The following POLR2L variants were observed in gnomAD, a reference collection of about 807,000 sequenced individuals.
The protein encoded by POLR2L is RNA polymerase II, I and III subunit L, also known as DNA-directed RNA polymerases I, II, and III subunit RPABC5.
In POLR2L, 7 loss-of-function variants were observed where a neutral mutation model predicts 6.8. That is an observed-to-expected ratio of 1.03 (90% CI 0.59 to 1.94). The LOEUF (loss-of-function observed/expected upper bound fraction) is 1.94. Among genes scored for constraint, POLR2L ranks in the 30% most tolerant of loss-of-function variants. The pLI is 0.00. For missense variants in POLR2L, 93 were observed against 86.7 expected, an observed-to-expected ratio of 1.07 and a Z score of -0.29; for synonymous variants, 59 against 39.8, an observed-to-expected ratio of 1.48 and a Z score of -1.82.
intron 1 of POLR2L, 48 bp downstream of exon 1, chr11:842,366 C>G: frequency 6.9e-7 from 1 of 1,441,676 alleles, no homozygotes; most frequent in Non-Finnish European, 9.3e-7. Context: ...CCAGCCCCGG[C>G]CCGCGCCCCA....
At position 842,500 on chromosome 11, in the gene POLR2L, G is replaced by T; in HGVS notation, c.9C>A (p.Ile3=). 6.3e-7 allele frequency: 1 copy of T among 1,580,504 alleles called. No individual in the cohort carries two copies. The highest frequency in any genetic ancestry group is 8.6e-7 in the Non-Finnish European group (1 of 1,165,880). MI[I]PVRCFTCGKI... ...TGCCACAAGTGAAGCAGCGTACAGGGATGATCATGGCGGCGGCGCGTCCCA... is the reference window on the plus strand; with the variant it reads ...TGCCACAAGTGAAGCAGCGTACAGGTATGATCATGGCGGCGGCGCGTCCCA... The change falls in exon 1 of 2, where the codon ATC becomes ATA. Residue 3 remains isoleucine (I), a synonymous_variant. Transcript: ENST00000322028.
Position 842,399 on chromosome 11 carries a change from C to T in POLR2L, c.95+15G>A, listed in dbSNP as rs35097672. Reference sequence around the variant, plus strand: ...CCACGGCGGACTCAGCCCCTAGCCCCGGCCCGCGCCTCACCCCTCGGTGTA... The same window carrying T: ...CCACGGCGGACTCAGCCCCTAGCCCTGGCCCGCGCCTCACCCCTCGGTGTA... On this transcript the variant is annotated intron_variant, in intron 1 of 1. Coordinates refer to ENST00000322028, the MANE Select transcript of POLR2L (RefSeq NM_021128.5). The T allele has an allele frequency of 4.6e-4, 718 of 1,567,598 alleles. 4 individuals carry two copies. The African/African-American group carries it at 9.1e-3, about 20-fold the overall frequency.
chr11:840,528 C>G, intron 1 of POLR2L, 48 bp from the exon 2 acceptor site: 2 of 1,353,222 alleles, frequency 1.5e-6, no homozygotes, highest in Non-Finnish European at 2.1e-6. Context: ...CTACGGTCTG[C>G]AAAGGCCTGG....
rs373279480 is a variant in POLR2L, at chr11:840,488, G to C, written c.96-8C>G. 6.9e-6 allele frequency: 11 copies of C among 1,589,360 alleles called. No homozygotes were observed. The highest frequency in any genetic ancestry group is 4.0e-5 in the African/African-American group (3 of 74,540). ...AGGGCATCCAGCGCATCCCTGTGTC[G>C]AGGGGAGGAGCAGAGGCCAACTGAG... On this transcript the variant is annotated splice_polypyrimidine_tract_variant and splice_region_variant and intron_variant, in intron 1 of 1. Coordinates refer to ENST00000322028, the MANE Select transcript of POLR2L (RefSeq NM_021128.5).
At chr11:841,257 CA>C (rs759117745) in intron 1 of POLR2L, among the ~76,000 whole-genome samples, 1 of 152,232 alleles carries the variant, frequency 6.6e-6, no homozygotes, top group Non-Finnish European at 1.5e-5. Flanking sequence ...CTGGCGCACA[CA>C]AGCCCAGGGC....
intron 1 of POLR2L, among the ~76,000 whole-genome samples, chr11:841,343 C>T (rs991797172): frequency 7.2e-5 from 11 of 152,218 alleles, no homozygotes; most frequent in African/African-American, 2.7e-4. Context: ...ACCGTGGTGA[C>T]AGCAGCACCA....
Position 840,036 on chromosome 11 carries a change from C to G in POLR2L, c.*336G>C, listed in dbSNP as rs966566687. ...CAGAAGGAGGGAACCTCAAAGAGCC[C>G]CGAGATGGAAGGCTCTCCTGGCAGC... is the stretch of plus-strand genomic sequence containing the variant. On this transcript the variant is annotated 3_prime_UTR_variant, in exon 2 of 2. Coordinates refer to ENST00000322028, the MANE Select transcript of POLR2L (RefSeq NM_021128.5). The G allele has an allele frequency of 4.4e-6, 1 of 224,914 alleles. No individual in the cohort carries two copies. 13.9% of individuals were successfully genotyped at this position (224,914 alleles called of 1,614,324 possible). A position where few individuals can be genotyped will look rare whatever the true frequency, so the allele number is the denominator to read the frequency against.
At chr11:840,975 C>T (rs1216635031) in intron 1 of POLR2L, among the ~76,000 whole-genome samples, 2 of 152,144 alleles carry the variant, frequency 1.3e-5, no homozygotes, top group African/African-American at 4.8e-5. Flanking sequence ...GACTGCTTCT[C>T]CACGGAGCCA....
At chr11:840,855 A>G (rs1272480014) in intron 1 of POLR2L, among the ~76,000 whole-genome samples, 1 of 152,208 alleles carries the variant, frequency 6.6e-6, no homozygotes, top group Non-Finnish European at 1.5e-5. Flanking sequence ...ACGGCAGGGT[A>G]GCTCTCCAGG....
At chr11:842,138 G>A (rs921324261) in intron 1 of POLR2L, among the ~76,000 whole-genome samples, 4 of 152,218 alleles carry the variant, frequency 2.6e-5, no homozygotes, top group Non-Finnish European at 5.9e-5. Flanking sequence ...CGGGTGACAA[G>A]ACGCCTGCGA....
rs764548424 is a variant in POLR2L at position 840,522 on chromosome 11, G to C, written c.96-42C>G. 1.1e-5 allele frequency: 15 copies of C among 1,369,456 alleles called. No individual in the cohort carries two copies. The African/African-American group carries it at 1.1e-4, about 10-fold the overall frequency. 84.8% of individuals were successfully genotyped at this position (1,369,456 alleles called of 1,614,324 possible). On this transcript the variant is annotated intron_variant, in intron 1 of 1. Coordinates refer to ENST00000322028, the MANE Select transcript of POLR2L (RefSeq NM_021128.5). Reference sequence around the variant, plus strand: ...AGCAGAGGCCAACTGAGTTCTCTACGGTCTGCAAAGGCCTGGAGCCCACAT... The same window carrying C: ...AGCAGAGGCCAACTGAGTTCTCTACCGTCTGCAAAGGCCTGGAGCCCACAT...
Position 840,283 on chromosome 11 carries a change from C to T in POLR2L, c.*89G>A. ...ACACACACTGCGGCCAGGCATTACG[C>T]CAGCTCCCGGATGCCTCAGCCTCGT... On this transcript the variant is annotated 3_prime_UTR_variant, in exon 2 of 2. Coordinates refer to ENST00000322028, the MANE Select transcript of POLR2L (RefSeq NM_021128.5). The T allele has an allele frequency of 1.2e-6, 1 of 800,118 alleles. No homozygotes were observed. Among genetic ancestry groups the T allele is most frequent in the Non-Finnish European group, 2.1e-6 (1 of 475,528 alleles). The allele number at this position is 800,118 out of a possible 1,614,324, so 49.6% of individuals were successfully genotyped here.
intron 1 of POLR2L, among the ~76,000 whole-genome samples, chr11:841,619 C>G (rs1434556309): frequency 6.6e-6 from 1 of 152,198 alleles, no homozygotes; most frequent in East Asian, 1.9e-4. Context: ...AAAGATAGAG[C>G]CAGGCGCGGT....
At chr11:841,534 C>G (rs776573172) in intron 1 of POLR2L, among the ~76,000 whole-genome samples, 1 of 152,192 alleles carries the variant, frequency 6.6e-6, no homozygotes, top group Non-Finnish European at 1.5e-5. Flanking sequence ...GCCTCCCAGA[C>G]TCAAGCGATT....
intron 1 of POLR2L, 86 bp downstream of exon 1, chr11:842,328 G>A (rs1165966225): frequency 2.1e-6 from 2 of 956,708 alleles, no homozygotes; most frequent in Admixed American, 4.2e-5. Context: ...CTCCCGCCCC[G>A]GCGCGCACCC....
At chr11:841,952 T>G (rs1025656985) in intron 1 of POLR2L, among the ~76,000 whole-genome samples, 1 of 152,184 alleles carries the variant, frequency 6.6e-6, no homozygotes, top group Non-Finnish European at 1.5e-5. Context: ...CTCCCCAGGT[T>G]GTCCAGGCTG....
chr11:842,363 C>T, intron 1 of POLR2L, 51 bp downstream of exon 1: 4 of 1,424,604 alleles, frequency 2.8e-6, no homozygotes, highest in African/African-American at 1.5e-5. Context: ...CCCCCAGCCC[C>T]GGCCCGCGCC....
At chr11:842,340 A>C in intron 1 of POLR2L, 74 bp downstream of exon 1, 1 of 1,096,134 alleles carries the variant, frequency 9.1e-7, no homozygotes, top group South Asian at 1.8e-5. Flanking sequence ...CGCGCACCCC[A>C]GGGCGGACTC....
At position 842,388 on chromosome 11, in the gene POLR2L, G is replaced by A. The variant is rs1161822763; in HGVS notation, c.95+26C>T. 5 of 1,535,882 alleles carry A rather than the reference G, an allele frequency of 3.3e-6. No individual in the cohort carries two copies. The South Asian group carries it at 3.6e-5, about 11-fold the overall frequency. ...CGGCCCGCGCCCCACGGCGGACTCA[G>A]CCCCTAGCCCCGGCCCGCGCCTCAC... On this transcript the variant is annotated intron_variant, in intron 1 of 1. Transcript: ENST00000322028.
Sources: gnomAD v4.1 joint callset for allele counts (sites outside exome capture counted in the v4.1 genomes callset) on GRCh38, gnomAD v4.1.1 for gene constraint, MANE v1.5 for transcripts, NCBI Gene and HGNC (gene_info 2026-07-23, HGNC 2026-07-21) for gene names.